CPA6: variants seen among roughly 807,000 people sequenced by gnomAD.
CPA6 encodes the protein carboxypeptidase A6.
Under a neutral mutation model 63.3 loss-of-function variants are expected in CPA6, and 58 were observed. That is an observed-to-expected ratio of 0.92 (90% CI 0.74 to 1.14). The LOEUF is 1.14. CPA6 is among the 50% of genes most tolerant of loss of function. The pLI, the probability that CPA6 is intolerant of heterozygous loss-of-function variation, is 0.00. For synonymous variants in CPA6, 185 were observed against 179.0 expected (o/e 1.03, Z -0.27); for missense variants, 565 against 526.6 (o/e 1.07, Z -0.71).
At chr8:67,730,988 C>A (rs111226583) in intron 1 of CPA6, among the ~76,000 whole-genome samples, 9 of 152,318 alleles carry the variant, frequency 5.9e-5, no homozygotes, top group African/African-American at 2.2e-4. Flanking sequence ...TATTTGCAAT[C>A]CTGCTATTAC....
chr8:67,469,343 C>T (rs1470241935), intron 8 of CPA6, among the ~76,000 whole-genome samples: 1 of 152,202 alleles, frequency 6.6e-6, no homozygotes, highest in East Asian at 1.9e-4. Context: ...TGGTTGCTCA[C>T]ACCTGTAATC....
chr8:67,694,795 A>G (rs1378643524), intron 1 of CPA6, among the ~76,000 whole-genome samples: 1 of 152,216 alleles, frequency 6.6e-6, no homozygotes, highest in African/African-American at 2.4e-5. Flanking sequence ...CTTGAAAGAC[A>G]GTAGTGAAGG....
chr8:67,523,281 C>A (rs1018744041), intron 2 of CPA6, among the ~76,000 whole-genome samples: 4 of 152,192 alleles, frequency 2.6e-5, no homozygotes, highest in African/African-American at 9.7e-5. Context: ...ATAATCCCAG[C>A]ACTTTGGGAG....
chr8:67,715,653 T>C (rs1461122472), intron 1 of CPA6, among the ~76,000 whole-genome samples: 1 of 152,254 alleles, frequency 6.6e-6, no homozygotes, highest in Non-Finnish European at 1.5e-5. Context: ...GCCTTTTTGA[T>C]ATGGCCAAAT....
intron 1 of CPA6, among the ~76,000 whole-genome samples, chr8:67,690,337 ATAATT>A (rs1022971621): frequency 9.2e-5 from 14 of 152,320 alleles, no homozygotes; most frequent in Middle Eastern, 3.4e-3. Flanking sequence ...ACAGAAATAA[ATAATT>A]TAGAGTTAAT....
intron 1 of CPA6, among the ~76,000 whole-genome samples, chr8:67,636,515 GA>G (rs1815472020): frequency 6.6e-6 from 1 of 151,414 alleles, no homozygotes; most frequent in East Asian, 1.9e-4. Context: ...TCACAGGTGA[GA>G]ATATACATAT....
At chr8:67,654,535 G>A (rs1459185000) in intron 1 of CPA6, among the ~76,000 whole-genome samples, 1 of 152,150 alleles carries the variant, frequency 6.6e-6, no homozygotes, top group Non-Finnish European at 1.5e-5. Context: ...TTGCGTAGAG[G>A]TGTTTGTAGT....
intron 6 of CPA6, 75 bp downstream of exon 6, chr8:67,506,712 C>A: frequency 1.1e-6 from 1 of 945,314 alleles, no homozygotes; most frequent in Non-Finnish European, 1.7e-6. Flanking sequence ...CAAATTCCCA[C>A]TTTGTTAAGC....
intron 8 of CPA6, among the ~76,000 whole-genome samples, chr8:67,477,030 T>TCTGTAATCC (rs1316214711): frequency 4.6e-5 from 7 of 151,988 alleles, no homozygotes; most frequent in Non-Finnish European, 1.0e-4. Flanking sequence ...GTGGCTCACG[T>TCTGTAATCC]CTGTAATCCC....
At chr8:67,460,005 A>G (rs1320676392) in intron 8 of CPA6, among the ~76,000 whole-genome samples, 2 of 149,474 alleles carry the variant, frequency 1.3e-5, no homozygotes, top group Non-Finnish European at 3.0e-5. Flanking sequence ...TAAAGAAGTA[A>G]AGTCTTGGGG....
At chr8:67,662,376 G>C (rs1816128852) in intron 1 of CPA6, among the ~76,000 whole-genome samples, 1 of 135,014 alleles carries the variant, frequency 7.4e-6, no homozygotes, top group South Asian at 2.3e-4. Flanking sequence ...TGTTATTCTA[G>C]AAAATGAGAA....
chr8:67,519,485 G>A (rs1812216898), intron 2 of CPA6, among the ~76,000 whole-genome samples: 1 of 152,132 alleles, frequency 6.6e-6, no homozygotes, highest in Non-Finnish European at 1.5e-5. Flanking sequence ...CATTCTGTTA[G>A]GAACTCTAGA....
intron 1 of CPA6, among the ~76,000 whole-genome samples, chr8:67,721,563 A>G (rs1337569994): frequency 6.6e-6 from 1 of 152,206 alleles, no homozygotes; most frequent in Non-Finnish European, 1.5e-5. Flanking sequence ...GGACACCACA[A>G]TATAACTAGT....
chr8:67,600,535 A>AGCAT (rs1814469151), intron 2 of CPA6, among the ~76,000 whole-genome samples: 3 of 152,316 alleles, frequency 2.0e-5, no homozygotes, highest in Middle Eastern at 6.8e-3. Flanking sequence ...AAAAATGATA[A>AGCAT]GCATGCAAGG....
intron 8 of CPA6, among the ~76,000 whole-genome samples, chr8:67,467,509 A>G (rs1234083803): frequency 6.6e-6 from 1 of 152,178 alleles, no homozygotes; most frequent in Non-Finnish European, 1.5e-5. Context: ...AACCAGAAAC[A>G]GAGTCATCCT....
At chr8:67,616,354 G>A (rs1276910556) in intron 2 of CPA6, among the ~76,000 whole-genome samples, 1 of 152,178 alleles carries the variant, frequency 6.6e-6, no homozygotes, top group Non-Finnish European at 1.5e-5. Context: ...TAGGAACCAT[G>A]TGTGAGGGCT....
intron 9 of CPA6, among the ~76,000 whole-genome samples, chr8:67,428,836 C>A (rs936385309): frequency 6.6e-6 from 1 of 152,172 alleles, no homozygotes; most frequent in South Asian, 2.1e-4. Context: ...GGGACCATGT[C>A]GGTCTCAGTC....
chr8:67,551,939 T>C (rs1812947169), intron 2 of CPA6, among the ~76,000 whole-genome samples: 1 of 152,246 alleles, frequency 6.6e-6, no homozygotes, highest in African/African-American at 2.4e-5. Flanking sequence ...TGGCAGCTGA[T>C]GAAATGGGCA....
intron 1 of CPA6, among the ~76,000 whole-genome samples, chr8:67,624,563 G>A (rs1223213671): frequency 1.3e-5 from 2 of 152,238 alleles, no homozygotes; most frequent in African/African-American, 4.8e-5. Context: ...GCTGCTCAGA[G>A]CAGATACCAA....
Sources: allele counts gnomAD v4.1 joint callset (sites outside exome capture counted in the v4.1 genomes callset), GRCh38; gene constraint gnomAD v4.1.1; transcripts MANE v1.5; gene names NCBI Gene and HGNC (gene_info 2026-07-23, HGNC 2026-07-21).